The following ZFPM1 variants were observed in gnomAD, a reference collection of about 807,000 sequenced individuals.
ZFPM1 encodes the protein zinc finger protein, FOG family member 1.
A neutral mutation model predicts 46.3 loss-of-function variants in ZFPM1; 28 were observed. The ratio of observed to expected loss-of-function variants is 0.60; its 90% CI spans 0.45 to 0.83. The LOEUF (loss-of-function observed/expected upper bound fraction) is 0.83. Ranked by LOEUF, ZFPM1 falls within the 40% of genes least tolerant of loss-of-function variation. The pLI, the probability that ZFPM1 is intolerant of heterozygous loss-of-function variation, is 0.00. For synonymous variants in ZFPM1, 957 were observed against 675.9 expected (o/e 1.42, Z -6.45); for missense variants, 1,878 against 1,432.4 (o/e 1.31, Z -5.02).
intron 3 of ZFPM1, among the ~76,000 whole-genome samples, chr16:88,509,629 G>A (rs1392533801): frequency 6.6e-6 from 1 of 152,218 alleles, no homozygotes; most frequent in Non-Finnish European, 1.5e-5. Flanking sequence ...GGGGAGGCGG[G>A]CGGCTGAGCA....
At chr16:88,509,088 T>G (rs1020777216) in intron 3 of ZFPM1, among the ~76,000 whole-genome samples, 3 of 152,054 alleles carry the variant, frequency 2.0e-5, no homozygotes, top group African/African-American at 7.2e-5. Flanking sequence ...CTGTACAGGA[T>G]GTGTTGGAAG....
chr16:88,486,947 C>T (rs1377461527), intron 2 of ZFPM1, among the ~76,000 whole-genome samples: 6 of 152,162 alleles, frequency 3.9e-5, no homozygotes, highest in Non-Finnish European at 7.4e-5. Context: ...TCACTCAGCT[C>T]GCAAGTGCCC....
chr16:88,498,606 C>T (rs920514768), intron 3 of ZFPM1, among the ~76,000 whole-genome samples: 1 of 152,204 alleles, frequency 6.6e-6, no homozygotes, highest in Non-Finnish European at 1.5e-5. Context: ...CAGGCAGAGC[C>T]GGCCTCGCTG....
In ZFPM1 at chr16:88,533,587, G is replaced by T; in HGVS notation, c.1629G>T (p.Leu543=). ...PDAAPPASEI[L]AKMSELVHSR... is the part of the protein sequence containing the mutation. ...CGGCGCCCCCCGCCTCGGAGATCCT[G>T]GCCAAGATGTCCGAGCTGGTGCACA... The change falls in exon 10 of 10, where the codon CTG becomes CTT. Residue 543 remains leucine (L), a synonymous_variant. Coordinates refer to ENST00000319555, the MANE Select transcript of ZFPM1 (RefSeq NM_153813.3). The T allele has an allele frequency of 3.3e-6, 5 of 1,500,234 alleles. No individual in the cohort carries two copies. The highest frequency in any genetic ancestry group is 4.4e-6 in the Non-Finnish European group (5 of 1,124,476). The allele number at this position is 1,500,234 out of a possible 1,614,324, so 92.9% of individuals were successfully genotyped here.
chr16:88,472,375 G>A lies in ZFPM1; in HGVS notation c.41-13564G>A, dbSNP rs564349422. The stretch of plus-strand genomic sequence containing the variant: ...TTTTCTTTTTTTTTTTTTTTTTTGA[G>A]ACTGAGTCTCGCTGTGTCGCCAGGC... On this transcript the variant is annotated intron_variant, in intron 1 of 9. Transcript: ENST00000319555. 3.3e-3 allele frequency among the ~76,000 whole-genome samples: 462 copies of A among 140,640 alleles called. 2 individuals are homozygous for A. Among genetic ancestry groups the A allele is most frequent in the Non-Finnish European group, 1.4e-3 (91 of 65,366 alleles). The allele number at this position is 140,640 out of a possible 152,430, so 92.3% of individuals were successfully genotyped here. A position where few individuals can be genotyped will look rare whatever the true frequency, so the allele number is the denominator to read the frequency against.
chr16:88,531,227 G>A (rs760729348), intron 6 of ZFPM1, among the ~76,000 whole-genome samples: 7 of 152,214 alleles, frequency 4.6e-5, no homozygotes, highest in Non-Finnish European at 8.8e-5. Context: ...GGGGCCATGG[G>A]CAGATGGGGC....
chr16:88,534,135 C>T lies in ZFPM1; in HGVS notation c.2177C>T (p.Pro726Leu), dbSNP rs1299507750. Residue 726 changes from proline (P) to leucine (L), a missense_variant, in exon 10 of 10, where the codon CCG becomes CTG. Transcript: ENST00000319555. The stretch of plus-strand genomic sequence containing the variant: ...GCCGCGCCCCCGGGACCCCCTGGGC[C>T]GGCCGCGCCCCCGGCCCCCTCTCCC... ...RPAAPPGPPG[P>L]AAPPAPSPAA... The T allele has an allele frequency of 3.9e-5, 40 of 1,019,568 alleles. No homozygotes were observed. Among genetic ancestry groups the T allele is most frequent in the Non-Finnish European group, 4.4e-5 (38 of 856,736 alleles). The allele number at this position is 1,019,568 out of a possible 1,614,324, so 63.2% of individuals were successfully genotyped here.
In ZFPM1 at chr16:88,533,527, C is replaced by T; in HGVS notation, c.1569C>T (p.Ala523=). The T allele has an allele frequency of 6.9e-7, 1 of 1,450,342 alleles. No individual in the cohort carries two copies. The highest frequency in any genetic ancestry group is 9.1e-7 in the Non-Finnish European group (1 of 1,104,948). The allele number at this position is 1,450,342 out of a possible 1,614,324, so 89.8% of individuals were successfully genotyped here. Residue 523 remains alanine, a synonymous_variant, in exon 10 of 10, where the codon GCC becomes GCT. Coordinates refer to ENST00000319555, the MANE Select transcript of ZFPM1 (RefSeq NM_153813.3). ...PVPGELGLAG[A]LFLPQYVFGP... ...CCGGCGAGCTGGGCCTGGCCGGGGC[C>T]CTGTTCCTTCCGCAGTACGTGTTCG...
intron 3 of ZFPM1, among the ~76,000 whole-genome samples, chr16:88,490,114 C>T (rs1280550731): frequency 6.6e-6 from 1 of 151,292 alleles, no homozygotes; most frequent in African/African-American, 2.4e-5. Context: ...AGTGCAATGG[C>T]GCGATCTCGG....
chr16:88,507,409 C>G (rs980044652), intron 3 of ZFPM1, among the ~76,000 whole-genome samples: 1 of 152,172 alleles, frequency 6.6e-6, no homozygotes, highest in African/African-American at 2.4e-5. Context: ...GCCTGGGTCC[C>G]TTTATGTTTC....
At chr16:88,462,458 T>C (rs930223912) in intron 1 of ZFPM1, among the ~76,000 whole-genome samples, 7 of 152,206 alleles carry the variant, frequency 4.6e-5, no homozygotes, top group African/African-American at 1.7e-4. Flanking sequence ...GGTGGGTGGC[T>C]GCGCTAGAGT....
In ZFPM1 at chr16:88,534,553, G is replaced by A. The variant is rs924494162; in HGVS notation, c.2595G>A (p.Val865=). 6.5e-5 allele frequency: 88 copies of A among 1,352,592 alleles called. No homozygotes were observed. Among genetic ancestry groups the A allele is most frequent in the Non-Finnish European group, 7.9e-5 (83 of 1,054,496 alleles). 83.8% of individuals were successfully genotyped at this position (1,352,592 alleles called of 1,614,324 possible). A position where few individuals can be genotyped will look rare whatever the true frequency, so the allele number is the denominator to read the frequency against. The change falls in exon 10 of 10, where the codon GTG becomes GTA. Residue 865 remains valine (V), a synonymous_variant. Coordinates refer to ENST00000319555, the MANE Select transcript of ZFPM1 (RefSeq NM_153813.3). ...CCTACTGCCCCCCGAACGGCCCGGT[G>A]CGCGGGGACCTGCTGGAGCATTTCC... ...ACPYCPPNGP[V]RGDLLEHFRL...
In ZFPM1 at chr16:88,533,350, G is replaced by C. The variant is rs950018840; in HGVS notation, c.1392G>C (p.Val464=). The change falls in exon 10 of 10, where the codon GTG becomes GTC. Residue 464 remains valine (V), a synonymous_variant. Coordinates refer to ENST00000319555, the MANE Select transcript of ZFPM1 (RefSeq NM_153813.3). ...EPPAAPRSIK[V]EAVEEPEAAP... ...CGGCGGCCCCCAGGAGCATCAAGGT[G>C]GAGGCGGTGGAGGAGCCGGAGGCGG... The C allele has an allele frequency of 2.0e-6, 3 of 1,533,138 alleles. No individual in the cohort carries two copies. The highest frequency in any genetic ancestry group is 1.4e-5 in the African/African-American group (1 of 72,320). 95.0% of individuals were successfully genotyped at this position (1,533,138 alleles called of 1,614,324 possible). A position where few individuals can be genotyped will look rare whatever the true frequency, so the allele number is the denominator to read the frequency against.
At chr16:88,479,626 T>A (rs890777609) in intron 1 of ZFPM1, among the ~76,000 whole-genome samples, 4 of 152,034 alleles carry the variant, frequency 2.6e-5, no homozygotes, top group African/African-American at 9.7e-5. Context: ...ATTTTCTGTC[T>A]GTTATCAGGG....
At position 88,532,218 on chromosome 16, in the gene ZFPM1, A is replaced by C. The variant is rs756263746; in HGVS notation, c.929A>C (p.His310Pro). ...SCPSASSLEI[H>P]MRSHSGERPF... ...CCCAGCGCCAGCTCCCTGGAGATCCACATGCGCAGCCACAGCGGTGAGCCC... is the reference window on the plus strand; with the variant it reads ...CCCAGCGCCAGCTCCCTGGAGATCCCCATGCGCAGCCACAGCGGTGAGCCC... The change falls in exon 7 of 10, where the codon CAC becomes CCC. Residue 310 changes from histidine to proline, a missense_variant. By Grantham distance (77) the His-to-Pro change is moderately conservative. Coordinates refer to ENST00000319555, the MANE Select transcript of ZFPM1 (RefSeq NM_153813.3). 1 of 1,605,540 alleles carries C rather than the reference A, an allele frequency of 6.2e-7. No homozygotes were observed. Among genetic ancestry groups the C allele is most frequent in the Non-Finnish European group, 8.5e-7 (1 of 1,174,716 alleles).
At position 88,456,025 on chromosome 16, in the gene ZFPM1, G is replaced by A. The variant is rs1907543872; in HGVS notation, c.40+2347G>A. On this transcript the variant is annotated intron_variant, in intron 1 of 9. Transcript: ENST00000319555. ...GGCCACCAGGCCCGGCCGGGTTGGA[G>A]AACAGCGCGGGGGCGCCGCGACTGG... 2.6e-5 allele frequency among the ~76,000 whole-genome samples: 4 copies of A among 152,342 alleles called. No homozygotes were observed. In the South Asian group the frequency reaches 8.3e-4, roughly 32 times the overall value.
At chr16:88,527,580 A>C (rs969437800) in intron 5 of ZFPM1, among the ~76,000 whole-genome samples, 9 of 152,046 alleles carry the variant, frequency 5.9e-5, no homozygotes, top group Non-Finnish European at 1.3e-4. Context: ...CGGGCGCCCC[A>C]GGTGAACAAG....
intron 3 of ZFPM1, among the ~76,000 whole-genome samples, chr16:88,491,435 G>C (rs1909568259): frequency 6.6e-6 from 1 of 152,252 alleles, no homozygotes; most frequent in Non-Finnish European, 1.5e-5. Context: ...GGTGACCCAA[G>C]TCTCTGGAGG....
In ZFPM1 at chr16:88,528,123, C is replaced by T. The variant is rs766305354; in HGVS notation, c.597C>T (p.Gly199=). ...LLTAEPHSTP[G]HPVKKEPAEP... is the part of the protein sequence containing the mutation. Reference sequence around the variant, plus strand: ...CGGCCGAGCCCCACAGCACCCCCGGCCACCCTGTGAAGAAGGAGCCAGCAG... The same window carrying T: ...CGGCCGAGCCCCACAGCACCCCCGGTCACCCTGTGAAGAAGGAGCCAGCAG... Residue 199 remains glycine, a synonymous_variant, in exon 6 of 10, where the codon GGC becomes GGT. Coordinates refer to ENST00000319555, the MANE Select transcript of ZFPM1 (RefSeq NM_153813.3). The T allele has an allele frequency of 1.4e-5, 23 of 1,594,386 alleles. No homozygotes were observed. Among genetic ancestry groups the T allele is most frequent in the Non-Finnish European group, 1.0e-5 (12 of 1,172,228 alleles).
Sources: gnomAD v4.1 joint callset for allele counts (sites outside exome capture counted in the v4.1 genomes callset) on GRCh38, gnomAD v4.1.1 for gene constraint, MANE v1.5 for transcripts, NCBI Gene and HGNC (gene_info 2026-07-23, HGNC 2026-07-21) for gene names.